ZNF98: variants seen among roughly 807,000 people sequenced by gnomAD.
ZNF98 encodes zinc finger protein 98.
ZNF98 carries 8 observed loss-of-function variants against 12.8 expected under a neutral mutation model. The observed-to-expected ratio is 0.63, with a 90% CI of 0.37 to 1.13. ZNF98 has a LOEUF of 1.13. Ranked by LOEUF, ZNF98 falls within the 50% of genes most tolerant of loss-of-function variation. The pLI is 0.01. For synonymous variants in ZNF98, 112 were observed against 223.5 expected (o/e 0.50, Z 4.45); for missense variants, 379 against 666.1 (o/e 0.57, Z 4.74).
intron 3 of ZNF98, among the ~76,000 whole-genome samples, chr19:22,394,261 T>C (rs944522052): frequency 2.6e-4 from 38 of 147,290 alleles, no homozygotes; most frequent in South Asian, 1.1e-3. Context: ...GTTCAACCAT[T>C]GTGGAAGACA....
At chr19:22,405,843 C>CGGCT (rs1969513195) in intron 1 of ZNF98, among the ~76,000 whole-genome samples, 1 of 152,076 alleles carries the variant, frequency 6.6e-6, no homozygotes, top group Non-Finnish European at 1.5e-5. Context: ...CCCAACACAC[C>CGGCT]GGCTGTGCCA....
rs192987233 is a variant in ZNF98 at position 22,410,684 on chromosome 19, C to G, written c.31-7172G>C. 3.9e-5 allele frequency among the ~76,000 whole-genome samples: 6 copies of G among 152,252 alleles called. No individual in the cohort carries two copies. In the East Asian group the frequency reaches 1.2e-3, roughly 29 times the overall value. ...CCACACATATACGTATGTAATAAACCTGCACATTAACTAAGCACTGCCTCT... is the reference window on the plus strand; with the variant it reads ...CCACACATATACGTATGTAATAAACGTGCACATTAACTAAGCACTGCCTCT... On this transcript the variant is annotated intron_variant, in intron 1 of 3. Transcript: ENST00000357774.
Position 22,403,531 on chromosome 19 carries a change from C to T in ZNF98, c.31-19G>A. The T allele has an allele frequency of 6.3e-7, 1 of 1,580,994 alleles. No homozygotes were observed. Among genetic ancestry groups the T allele is most frequent in the Non-Finnish European group, 8.5e-7 (1 of 1,169,822 alleles). On this transcript the variant is annotated intron_variant, in intron 1 of 3. Coordinates refer to ENST00000357774, the MANE Select transcript of ZNF98 (RefSeq NM_001098626.2). ...ACACTCCCTGAAAAACATACAAACA[C>T]ACATACATATTTACCAAGTGGCCAT...
intron 1 of ZNF98, among the ~76,000 whole-genome samples, chr19:22,416,757 A>G (rs1340749015): frequency 6.6e-6 from 1 of 152,104 alleles, no homozygotes; most frequent in Non-Finnish European, 1.5e-5. Flanking sequence ...CATCTCAAAT[A>G]AATAAAATAT....
At chr19:22,401,753 G>A (rs1419475199) in intron 3 of ZNF98, among the ~76,000 whole-genome samples, 4 of 151,608 alleles carry the variant, frequency 2.6e-5, no homozygotes, top group Non-Finnish European at 4.4e-5. Context: ...CCAAAGTGCA[G>A]GGATTACAGG....
At chr19:22,404,397 C>T (rs1199820405) in intron 1 of ZNF98, among the ~76,000 whole-genome samples, 3 of 152,176 alleles carry the variant, frequency 2.0e-5, no homozygotes, top group Non-Finnish European at 4.4e-5. Flanking sequence ...TGAGAGCTTT[C>T]GTTTTCCAAA....
intron 3 of ZNF98, among the ~76,000 whole-genome samples, chr19:22,396,955 C>G (rs1969400264): frequency 6.6e-6 from 1 of 151,914 alleles, no homozygotes; most frequent in South Asian, 2.1e-4. Flanking sequence ...ACCGACTCTA[C>G]TAAAAATACA....
intron 1 of ZNF98, among the ~76,000 whole-genome samples, chr19:22,415,671 C>T (rs1330987563): frequency 6.6e-6 from 1 of 150,828 alleles, no homozygotes; most frequent in Middle Eastern, 3.2e-3. Context: ...GCAGTCTCAG[C>T]TATGTGGGGG....
chr19:22,396,686 A>C (rs1024527701), intron 3 of ZNF98, among the ~76,000 whole-genome samples: 1 of 152,302 alleles, frequency 6.6e-6, no homozygotes, highest in African/African-American at 2.4e-5. Flanking sequence ...GGAAGAATAC[A>C]TTTCATGCAA....
chr19:22,411,598 A>G (rs1248891360), intron 1 of ZNF98, among the ~76,000 whole-genome samples: 1 of 152,260 alleles, frequency 6.6e-6, no homozygotes, highest in Non-Finnish European at 1.5e-5. Flanking sequence ...GGTTACAAAT[A>G]AAGACAATTC....
chr19:22,397,212 T>TTTGTGTGTGTGTGTGTG (rs368992859), intron 3 of ZNF98, among the ~76,000 whole-genome samples: 1,534 of 145,234 alleles, frequency 0.011, 32 homozygotes, highest in African/African-American at 0.037. Flanking sequence ...GTGTGTGTTT[T>TTTGTGTGTGTGTGTGTG]TGTGTGTGTG....
At chr19:22,406,834 G>T (rs1468117339) in intron 1 of ZNF98, among the ~76,000 whole-genome samples, 2 of 150,246 alleles carry the variant, frequency 1.3e-5, no homozygotes, top group Non-Finnish European at 3.0e-5. Context: ...AAAGAAAAAA[G>T]AAAAAGACAC....
At chr19:22,407,485 G>A (rs1185280483) in intron 1 of ZNF98, among the ~76,000 whole-genome samples, 3 of 151,090 alleles carry the variant, frequency 2.0e-5, no homozygotes, top group African/African-American at 4.9e-5. Flanking sequence ...AGGCCAAGGC[G>A]GGTGAATCAC....
At chr19:22,401,703 T>G (rs2145112800) in intron 3 of ZNF98, among the ~76,000 whole-genome samples, 1 of 150,790 alleles carries the variant, frequency 6.6e-6, no homozygotes, top group Non-Finnish European at 1.5e-5. Flanking sequence ...CAGGCTGGTC[T>G]CAAACTCCTG....
At chr19:22,400,878 G>C (rs1401519319) in intron 3 of ZNF98, among the ~76,000 whole-genome samples, 1 of 146,084 alleles carries the variant, frequency 6.8e-6, no homozygotes, top group Non-Finnish European at 1.5e-5. Flanking sequence ...ACTTGAACCT[G>C]GGAGGTGGAG....
chr19:22,407,255 T>C (rs182417718), intron 1 of ZNF98, among the ~76,000 whole-genome samples: 4 of 151,938 alleles, frequency 2.6e-5, no homozygotes, highest in African/African-American at 9.6e-5. Flanking sequence ...TAGGGTTTCA[T>C]CTTGTTGGCC....
At chr19:22,401,995 G>T (rs966415008) in intron 3 of ZNF98, among the ~76,000 whole-genome samples, 25 of 150,276 alleles carry the variant, frequency 1.7e-4, no homozygotes, top group African/African-American at 5.6e-4. Context: ...GGCCAATATG[G>T]TGACACCCCG....
In ZNF98 at chr19:22,422,238, TCCCAATA is replaced by T; in HGVS notation, c.-21_-15del. 2 of 1,611,782 alleles carry T rather than the reference TCCCAATA, an allele frequency of 1.2e-6. No individual in the cohort carries two copies. Among genetic ancestry groups the T allele is most frequent in the Non-Finnish European group, 8.5e-7 (1 of 1,178,510 alleles). ...GGGTCCTGGCATCTTAGCTGTGGAT[TCCCAATA>T]CCTGCAGGTCACAGGGCCACAGAGG... On this transcript the variant is annotated 5_prime_UTR_variant, in exon 1 of 4. Coordinates refer to ENST00000357774, the MANE Select transcript of ZNF98 (RefSeq NM_001098626.2).
chr19:22,391,416 C>A lies in ZNF98; in HGVS notation c.*100G>T. The A allele has an allele frequency of 6.7e-7, 1 of 1,492,238 alleles. No individual in the cohort carries two copies. The highest frequency in any genetic ancestry group is 1.4e-5 in the South Asian group (1 of 71,272). 92.4% of individuals were successfully genotyped at this position (1,492,238 alleles called of 1,614,324 possible). On this transcript the variant is annotated 3_prime_UTR_variant, in exon 4 of 4. Transcript: ENST00000357774. ...GGTTTGAGCATTGTGTAAGTTTTGC[C>A]ACACTGTTCACACTTGTAGAAGTTT...
Sources: gnomAD v4.1 joint callset for allele counts (sites outside exome capture counted in the v4.1 genomes callset) on GRCh38, gnomAD v4.1.1 for gene constraint, MANE v1.5 for transcripts, NCBI Gene and HGNC (gene_info 2026-07-23, HGNC 2026-07-21) for gene names.